STUM: variants seen among roughly 807,000 people sequenced by gnomAD.
STUM encodes protein stum homolog.
STUM carries 8 observed loss-of-function variants against 15.3 expected under a neutral mutation model. That is an observed-to-expected ratio of 0.52 (90% confidence interval 0.31 to 0.94). STUM has a LOEUF of 0.94. STUM is among the 40% of genes least tolerant of loss of function. STUM has a pLI of 0.05. For synonymous variants in STUM, 78 were observed against 88.7 expected (o/e 0.88, Z 0.68); for missense variants, 142 against 204.9 (o/e 0.69, Z 1.87).
intron 1 of STUM, among the ~76,000 whole-genome samples, chr1:226,587,020 G>A (rs550201350): frequency 6.6e-6 from 1 of 152,294 alleles, no homozygotes; most frequent in African/African-American, 2.4e-5. Flanking sequence ...GAAATTCCAT[G>A]TGGTTAAATT....
Position 226,549,872 on chromosome 1 carries a change from C to T in STUM, c.202+766C>T, listed in dbSNP as rs376354828. On this transcript the variant is annotated intron_variant, in intron 1 of 3. Transcript: ENST00000366788. This position sits in a 1 kb window ranked among gnomAD's most constrained non-coding sequence, Gnocchi z 6.8. ...GCAGGGGTTCTGGTGGCATCTATGT[C>T]CCACGTTTTAAAGCAGAGGCCCCTT... 1.4e-4 allele frequency among the ~76,000 whole-genome samples: 21 copies of T among 152,296 alleles called. No homozygotes were observed. The East Asian group carries it at 2.5e-3, about 18-fold the overall frequency.
In STUM at chr1:226,567,620, T is replaced by C. The variant is rs1667644843; in HGVS notation, c.202+18514T>C. Among the ~76,000 whole-genome samples, 1 of 151,996 alleles carries C rather than the reference T, an allele frequency of 6.6e-6. No individual in the cohort carries two copies. Among genetic ancestry groups the C allele is most frequent in the Non-Finnish European group, 1.5e-5 (1 of 68,004 alleles). ...CCAGAGAATGAGCTATACAAAGAGATCGAGGGAGGAGATGAACAGGTAAGA... is the reference window on the plus strand; with the variant it reads ...CCAGAGAATGAGCTATACAAAGAGACCGAGGGAGGAGATGAACAGGTAAGA... On this transcript the variant is annotated intron_variant, in intron 1 of 3. Transcript: ENST00000366788. This position sits in a 1 kb window ranked among gnomAD's most constrained non-coding sequence, Gnocchi z 4.5.
chr1:226,554,096 T>C (rs1427549050), intron 1 of STUM, among the ~76,000 whole-genome samples: 13 of 152,176 alleles, frequency 8.5e-5, no homozygotes, highest in Non-Finnish European at 1.9e-4. Flanking sequence ...GCCAATTGAA[T>C]GTGAGTGGAA....
At position 226,607,420 on chromosome 1, in the gene STUM, G is replaced by A. The variant is rs995797970; in HGVS notation, c.*5380G>A. 6.6e-6 allele frequency: 1 copy of A among 152,156 alleles called. No individual in the cohort carries two copies. Among genetic ancestry groups the A allele is most frequent in the Non-Finnish European group, 1.5e-5 (1 of 68,050 alleles). The allele number at this position is 152,156 out of a possible 1,614,324, so 9.4% of individuals were successfully genotyped here. On this transcript the variant is annotated 3_prime_UTR_variant, in exon 4 of 4. Transcript: ENST00000366788. The stretch of plus-strand genomic sequence containing the variant: ...CTGTTATGACTGCCGGCGTCTCTCC[G>A]ACTGCCTCTCGCCTCAGTTTAACCA...
chr1:226,549,936 GAGA>G lies in STUM; in HGVS notation c.202+833_202+835del, dbSNP rs1208113374. ...AGGAGGGTGAATGGAGGCAGGGAAT[GAGA>G]AGTTTTCCTGACCCTCCCTCCCTTA... is the stretch of plus-strand genomic sequence containing the variant. On this transcript the variant is annotated intron_variant, in intron 1 of 3. Transcript: ENST00000366788. The surrounding 1 kb of genome is among the most constrained non-coding windows in gnomAD (Gnocchi z 6.8). Among the ~76,000 whole-genome samples the G allele has an allele frequency of 6.6e-6, 1 of 152,156 alleles. No homozygotes were observed. The highest frequency in any genetic ancestry group is 2.4e-5 in the African/African-American group (1 of 41,434).
chr1:226,574,780 C>T (rs1324833501), intron 1 of STUM, among the ~76,000 whole-genome samples: 2 of 152,098 alleles, frequency 1.3e-5, no homozygotes, highest in Admixed American at 1.3e-4. Flanking sequence ...GGGACGTTAC[C>T]GTTGCCAACT....
intron 1 of STUM, among the ~76,000 whole-genome samples, chr1:226,550,329 C>T (rs1667353314): frequency 6.6e-6 from 1 of 152,230 alleles, no homozygotes; most frequent in African/African-American, 2.4e-5. Flanking sequence ...CCCTAAGGGG[C>T]TGCTGCGGCC....
chr1:226,585,690 C>T (rs1049071542), intron 1 of STUM, among the ~76,000 whole-genome samples: 1 of 152,174 alleles, frequency 6.6e-6, no homozygotes, highest in Non-Finnish European at 1.5e-5. Context: ...GGTTATTTGC[C>T]TCTCTCACCG....
chr1:226,559,902 G>A (rs1667510803), intron 1 of STUM, among the ~76,000 whole-genome samples: 1 of 152,014 alleles, frequency 6.6e-6, no homozygotes, highest in Admixed American at 6.6e-5. Flanking sequence ...GAACCCGGGG[G>A]GGCGGAGCTT....
rs140185536 is a variant in STUM, at chr1:226,581,016, C to T, written c.203-15786C>T. ...TAGTCTTCTGCCAAGGCCCAGGGTG[C>T]GGCCCTAGTTCCCATGGTTGAAGTT... On this transcript the variant is annotated intron_variant, in intron 1 of 3. Transcript: ENST00000366788. Among the ~76,000 whole-genome samples, 9 of 152,334 alleles carry T rather than the reference C, an allele frequency of 5.9e-5. 1 individual carries two copies. The highest frequency in any genetic ancestry group is 2.0e-4 in the Admixed American group (3 of 15,308).
rs1301889772 is a variant in STUM at position 226,602,785 on chromosome 1, AC to A, written c.*746del. On this transcript the variant is annotated 3_prime_UTR_variant, in exon 4 of 4. Coordinates refer to ENST00000366788, the MANE Select transcript of STUM (RefSeq NM_001003665.4). The stretch of plus-strand genomic sequence containing the variant: ...AGATGTTTATACACAAAGTTATTAG[AC>A]TGAAGCAGGAGTGGGCAGACTAGCA... 1 of 152,210 alleles carries A rather than the reference AC, an allele frequency of 6.6e-6. No homozygotes were observed. The highest frequency in any genetic ancestry group is 1.5e-5 in the Non-Finnish European group (1 of 68,036). The allele number at this position is 152,210 out of a possible 1,614,324, so 9.4% of individuals were successfully genotyped here.
chr1:226,602,362 A>G lies in STUM; in HGVS notation c.*322A>G. The G allele has an allele frequency of 5.5e-6, 2 of 363,188 alleles. No homozygotes were observed. Among genetic ancestry groups the G allele is most frequent in the Non-Finnish European group, 1.0e-5 (2 of 195,972 alleles). The allele number at this position is 363,188 out of a possible 1,614,324, so 22.5% of individuals were successfully genotyped here. On this transcript the variant is annotated 3_prime_UTR_variant, in exon 4 of 4. Coordinates refer to ENST00000366788, the MANE Select transcript of STUM (RefSeq NM_001003665.4). ...ACTGGCCTTGCTGTACCCACTGCCC[A>G]CCGCAAAGGCACGCCACGTCTGCTG...
At chr1:226,574,686 A>G (rs1667775327) in intron 1 of STUM, among the ~76,000 whole-genome samples, 4 of 152,252 alleles carry the variant, frequency 2.6e-5, no homozygotes, top group Admixed American at 2.6e-4. Context: ...ACTGATGCGA[A>G]GTAGGCCAAA....
At position 226,549,218 on chromosome 1, in the gene STUM, T is replaced by G; in HGVS notation, c.202+112T>G. On this transcript the variant is annotated intron_variant, in intron 1 of 3. Transcript: ENST00000366788. The surrounding 1 kb of genome is among the most constrained non-coding windows in gnomAD (Gnocchi z 6.8). ...TGGCGGGGCCGCGCGCTCCAAGTGC[T>G]GCGACCACGCGCCACCGCCCGCTCC... 1.1e-6 allele frequency: 1 copy of G among 926,358 alleles called. No homozygotes were observed. The highest frequency in any genetic ancestry group is 1.6e-6 in the Non-Finnish European group (1 of 634,220). The allele number at this position is 926,358 out of a possible 1,614,324, so 57.4% of individuals were successfully genotyped here. A position where few individuals can be genotyped will look rare whatever the true frequency, so the allele number is the denominator to read the frequency against.
intron 1 of STUM, among the ~76,000 whole-genome samples, chr1:226,594,559 C>G (rs569548519): frequency 3.3e-5 from 5 of 152,198 alleles, no homozygotes; most frequent in African/African-American, 4.8e-5. Context: ...GTTCAATGCT[C>G]ACCTGTCATT....
intron 2 of STUM, among the ~76,000 whole-genome samples, chr1:226,598,429 C>G (rs947259082): frequency 6.6e-6 from 1 of 152,146 alleles, no homozygotes; most frequent in Non-Finnish European, 1.5e-5. Context: ...TGCATTAAAG[C>G]GGAACATGAC....
At chr1:226,576,940 C>G (rs965490992) in intron 1 of STUM, among the ~76,000 whole-genome samples, 1 of 152,204 alleles carries the variant, frequency 6.6e-6, no homozygotes, top group Admixed American at 6.5e-5. Context: ...TAAATGCAAC[C>G]CTACTTTCTA....
chr1:226,559,083 G>A (rs918830607), intron 1 of STUM, among the ~76,000 whole-genome samples: 7 of 152,238 alleles, frequency 4.6e-5, no homozygotes, highest in African/African-American at 1.7e-4. Context: ...TTACATTGAT[G>A]AAGTAACTTT....
intron 1 of STUM, among the ~76,000 whole-genome samples, chr1:226,590,428 C>T (rs568462496): frequency 2.0e-5 from 3 of 152,254 alleles, no homozygotes; most frequent in South Asian, 2.1e-4. Flanking sequence ...TTCCTCCAGA[C>T]GGTTCTCTCC....
Sources: gnomAD v4.1 joint callset for allele counts (sites outside exome capture counted in the v4.1 genomes callset) on GRCh38, gnomAD v4.1.1 for gene constraint, Gnocchi (gnomAD v3.1) non-coding constraint, MANE v1.5 for transcripts, NCBI Gene and HGNC (gene_info 2026-07-23, HGNC 2026-07-21) for gene names.